The following RAB11FIP2 variants were observed in gnomAD, a reference collection of about 807,000 sequenced individuals.
RAB11FIP2 encodes rab11 family-interacting protein 2.
In RAB11FIP2, 16 loss-of-function variants were observed where a neutral mutation model predicts 40.9. That is an observed-to-expected ratio of 0.39 (90% CI 0.26 to 0.59). The LOEUF is 0.59. RAB11FIP2 is among the 20% of genes least tolerant of loss of function. RAB11FIP2 has a pLI of 0.53. For synonymous variants in RAB11FIP2, 228 were observed against 213.7 expected, an observed-to-expected ratio of 1.07 and a Z score of -0.58; for missense variants, 532 against 606.2, an observed-to-expected ratio of 0.88 and a Z score of 1.28.
At chr10:118,028,359 T>C (rs1846371045) in intron 3 of RAB11FIP2, among the ~76,000 whole-genome samples, 1 of 151,230 alleles carries the variant, frequency 6.6e-6, no homozygotes. Flanking sequence ...ATTAAATATA[T>C]CATGTCAAAG....
At chr10:118,044,443 A>C (rs1846600540) in intron 1 of RAB11FIP2, among the ~76,000 whole-genome samples, 1 of 152,152 alleles carries the variant, frequency 6.6e-6, no homozygotes, top group South Asian at 2.1e-4. Context: ...CAATTTGATA[A>C]AGAATCCCTC....
chr10:118,028,210 C>T (rs1227038411), intron 3 of RAB11FIP2, among the ~76,000 whole-genome samples: 1 of 151,954 alleles, frequency 6.6e-6, no homozygotes, highest in Non-Finnish European at 1.5e-5. Context: ...CAACTAATTG[C>T]TTTTTAAGTG....
At chr10:118,033,942 C>A (rs1413884658) in intron 3 of RAB11FIP2, 1 of 701,372 alleles carries the variant, frequency 1.4e-6, no homozygotes, top group East Asian at 2.7e-5. Flanking sequence ...TCAGGTGGGC[C>A]TTCCACTTGC....
Position 118,009,153 on chromosome 10 carries a change from T to C in RAB11FIP2, c.1384A>G (p.Lys462Glu). ...TTCCTCCTAAGGAGTTCTTTGTGTT[T>C]CACCAGCTCCTGTAGAACCTCTTCA... ...TYEEVLQELV[K>E]HKELLRRKDT... is the part of the protein sequence containing the mutation. The change falls in exon 5 of 5, where the codon AAA (lysine) becomes GAA (glutamate). Residue 462 changes from lysine to glutamate, a missense_variant. Physicochemically the swap from Lys to Glu is moderately conservative, Grantham distance 56 (BLOSUM62 1). Coordinates refer to ENST00000355624, the MANE Select transcript of RAB11FIP2 (RefSeq NM_014904.3). 1 of 1,613,682 alleles carries C rather than the reference T, an allele frequency of 6.2e-7. No individual in the cohort carries two copies. The highest frequency in any genetic ancestry group is 8.5e-7 in the Non-Finnish European group (1 of 1,179,650).
Position 118,039,104 on chromosome 10 carries a change from C to T in RAB11FIP2, c.1133G>A (p.Gly378Glu). The change falls in exon 3 of 5, where the codon GGG becomes GAG. Residue 378 changes from glycine (G) to glutamate (E), a missense_variant. By Grantham distance (98) the Gly-to-Glu change is moderately conservative (BLOSUM62 -2). Coordinates refer to ENST00000355624, the MANE Select transcript of RAB11FIP2 (RefSeq NM_014904.3). ...DSRRSDKLNN[G>E]GSDSPCDLKS... The stretch of plus-strand genomic sequence containing the variant: ...CAAGTCACAAGGGCTATCAGATCCC[C>T]CATTGTTAAGTTTATCAGATCTTCT... 1 of 1,613,732 alleles carries T rather than the reference C, an allele frequency of 6.2e-7. No individual in the cohort carries two copies. The highest frequency in any genetic ancestry group is 1.7e-5 in the Admixed American group (1 of 59,986).
rs538195060 is a variant in RAB11FIP2, at chr10:118,022,390, C to T, written c.1266-7280G>A. 2.0e-5 allele frequency among the ~76,000 whole-genome samples: 3 copies of T among 152,240 alleles called. No individual in the cohort carries two copies. The East Asian group carries it at 5.8e-4, about 29-fold the overall frequency. The stretch of plus-strand genomic sequence containing the variant: ...CAAGCTCAAGTCTAACCTCATTATT[C>T]GTCTGTCAAAAAACTTTTGACCTCT... On this transcript the variant is annotated intron_variant, in intron 3 of 4. Coordinates refer to ENST00000355624, the MANE Select transcript of RAB11FIP2 (RefSeq NM_014904.3).
rs1158364111 is a variant in RAB11FIP2 at position 118,038,962 on chromosome 10, T to G, written c.1265+10A>C. ...CCCAAATAGTAGAACTTCCCCCATA[T>G]TAAGCTTACCTTGAAGATGGCATTA... On this transcript the variant is annotated intron_variant, in intron 3 of 4. Transcript: ENST00000355624. 1.9e-6 allele frequency: 3 copies of G among 1,551,790 alleles called. No homozygotes were observed. The highest frequency in any genetic ancestry group is 2.6e-6 in the Non-Finnish European group (3 of 1,146,910).
At chr10:118,045,299 C>T (rs1163900498) in intron 1 of RAB11FIP2, 2 of 154,114 alleles carry the variant, frequency 1.3e-5, no homozygotes, top group African/African-American at 4.8e-5. Flanking sequence ...TCAAGGCACA[C>T]TGACCCTGAA....
chr10:118,023,383 C>T (rs1846304637), intron 3 of RAB11FIP2, among the ~76,000 whole-genome samples: 1 of 152,042 alleles, frequency 6.6e-6, no homozygotes, highest in Admixed American at 6.5e-5. Context: ...CAAGACGAAA[C>T]TCAATATTTT....
intron 3 of RAB11FIP2, among the ~76,000 whole-genome samples, chr10:118,023,389 A>AT (rs1266418369): frequency 1.3e-5 from 2 of 152,162 alleles, no homozygotes; most frequent in Non-Finnish European, 2.9e-5. Context: ...GAAACTCAAT[A>AT]TTTTTTCTTT....
chr10:118,018,548 C>A (rs375843699), intron 3 of RAB11FIP2, among the ~76,000 whole-genome samples: 38 of 152,230 alleles, frequency 2.5e-4, no homozygotes, highest in African/African-American at 8.9e-4. Context: ...AAATGACTTA[C>A]CTTAACATTC....
chr10:118,016,160 A>T (rs554437934), intron 3 of RAB11FIP2, among the ~76,000 whole-genome samples: 1 of 152,318 alleles, frequency 6.6e-6, no homozygotes, highest in South Asian at 2.1e-4. Flanking sequence ...AGAGTTTCCC[A>T]TGTAACCAAG....
intron 3 of RAB11FIP2, chr10:118,017,800 G>C (rs1472459166): frequency 1.3e-5 from 2 of 152,134 alleles, no homozygotes; most frequent in African/African-American, 4.8e-5. Flanking sequence ...ACTGAACTAA[G>C]AAACAGAAAT....
rs759436506 is a variant in RAB11FIP2, at chr10:118,039,124, T to C, written c.1113A>G (p.Arg371=). 21 of 1,613,750 alleles carry C rather than the reference T, an allele frequency of 1.3e-5. No homozygotes were observed. In the Admixed American group the frequency reaches 3.5e-4, roughly 27 times the overall value. The change falls in exon 3 of 5, where the codon AGA becomes AGG. Residue 371 remains arginine (R), a synonymous_variant. Coordinates refer to ENST00000355624, the MANE Select transcript of RAB11FIP2 (RefSeq NM_014904.3). ...ERVTGKKDSR[R]SDKLNNGGSD... is the part of the protein sequence containing the mutation. Reference sequence around the variant, plus strand: ...ATCCCCCATTGTTAAGTTTATCAGATCTTCTGCTATCTTTTTTTCCAGTCA... The same window carrying C: ...ATCCCCCATTGTTAAGTTTATCAGACCTTCTGCTATCTTTTTTTCCAGTCA...
At chr10:118,023,287 CAAAG>C (rs1253095148) in intron 3 of RAB11FIP2, among the ~76,000 whole-genome samples, 2 of 152,004 alleles carry the variant, frequency 1.3e-5, no homozygotes, top group Non-Finnish European at 2.9e-5. Flanking sequence ...GTGAAGTGCC[CAAAG>C]AGATTCCACT....
intron 3 of RAB11FIP2, among the ~76,000 whole-genome samples, chr10:118,016,109 G>A (rs896075640): frequency 1.3e-5 from 2 of 152,140 alleles, no homozygotes; most frequent in Non-Finnish European, 2.9e-5. Context: ...CAAATCCTAC[G>A]CTCTAAGATG....
chr10:118,038,032 T>C (rs1846504508), intron 3 of RAB11FIP2, among the ~76,000 whole-genome samples: 1 of 151,968 alleles, frequency 6.6e-6, no homozygotes, highest in Non-Finnish European at 1.5e-5. Flanking sequence ...TTGTTATTTC[T>C]TATTTATTTT....
chr10:118,015,584 T>C (rs1239129973), intron 3 of RAB11FIP2, among the ~76,000 whole-genome samples: 1 of 152,194 alleles, frequency 6.6e-6, no homozygotes, highest in Non-Finnish European at 1.5e-5. Context: ...TTTCAAACAT[T>C]ACCCTATCAA....
At position 118,008,134 on chromosome 10, in the gene RAB11FIP2, TAAAC is replaced by T. The variant is rs1019373263; in HGVS notation, c.*860_*863del. 2.0e-5 allele frequency: 3 copies of T among 152,380 alleles called. No homozygotes were observed. Among genetic ancestry groups the T allele is most frequent in the African/African-American group, 4.8e-5 (2 of 41,466 alleles). The allele number at this position is 152,380 out of a possible 1,614,324, so 9.4% of individuals were successfully genotyped here. A position where few individuals can be genotyped will look rare whatever the true frequency, so the allele number is the denominator to read the frequency against. On this transcript the variant is annotated 3_prime_UTR_variant, in exon 5 of 5. Coordinates refer to ENST00000355624, the MANE Select transcript of RAB11FIP2 (RefSeq NM_014904.3). ...ATTAGCTTATCTTCTGCTTATACCT[TAAAC>T]AAACTCAAATGTTAATTAATTCAAA...
Sources: allele counts gnomAD v4.1 joint callset (sites outside exome capture counted in the v4.1 genomes callset), GRCh38; gene constraint gnomAD v4.1.1; transcripts MANE v1.5; gene names NCBI Gene and HGNC (gene_info 2026-07-23, HGNC 2026-07-21).